TENM2: variants seen among roughly 807,000 people sequenced by gnomAD.
TENM2 encodes the protein teneurin transmembrane protein 2, also known as teneurin-2.
In TENM2, 52 loss-of-function variants were observed where a neutral mutation model predicts 245.2. The observed-to-expected ratio is 0.21, with a 90% confidence interval of 0.17 to 0.27. TENM2 has a LOEUF of 0.27. TENM2 is among the 10% of genes least tolerant of loss of function. TENM2 has a pLI of 1.00. For synonymous variants in TENM2, 1,363 were observed against 1,438.9 expected, an observed-to-expected ratio of 0.95 and a Z score of 1.19; for missense variants, 3,046 against 3,666.8, an observed-to-expected ratio of 0.83 and a Z score of 4.37.
chr5:167,371,336 T>G (rs1581866924), intron 1 of TENM2, among the ~76,000 whole-genome samples: 1 of 148,356 alleles, frequency 6.7e-6, no homozygotes, highest in Admixed American at 6.8e-5. Flanking sequence ...GGCTCCCTGT[T>G]TTTTTTTTTT....
At chr5:167,932,105 G>T (rs538669603) in intron 3 of TENM2, among the ~76,000 whole-genome samples, 1 of 152,332 alleles carries the variant, frequency 6.6e-6, no homozygotes, top group South Asian at 2.1e-4. Flanking sequence ...CTGACTGCAG[G>T]TGCAGGAGGG....
At chr5:167,324,430 T>C (rs944709693) in intron 1 of TENM2, among the ~76,000 whole-genome samples, 2 of 152,230 alleles carry the variant, frequency 1.3e-5, no homozygotes, top group Admixed American at 1.3e-4. Context: ...GATGGATAGG[T>C]AATTTTTTTT....
In TENM2 at chr5:168,254,243, T is replaced by A. The variant is rs772438709; in HGVS notation, c.7432+5872T>A. Among the ~76,000 whole-genome samples, 35 of 152,318 alleles carry A rather than the reference T, an allele frequency of 2.3e-4. 1 individual carries two copies. The highest frequency in any genetic ancestry group is 3.4e-3 in the Middle Eastern group (1 of 294). On this transcript the variant is annotated intron_variant, in intron 27 of 28. Transcript: ENST00000518659. ...ACAGTGCCAGCTCCTGCCCAAGCAA[T>A]TCCCTCTAGACAGACTGTTTAGGGA...
At chr5:167,491,776 A>C (rs955631913) in intron 2 of TENM2, among the ~76,000 whole-genome samples, 3 of 152,170 alleles carry the variant, frequency 2.0e-5, no homozygotes, top group Non-Finnish European at 4.4e-5. Context: ...TCACCTGTAC[A>C]TTCATCCCTT....
intron 5 of TENM2, among the ~76,000 whole-genome samples, chr5:168,030,183 T>C (rs1787007858): frequency 3.4e-5 from 4 of 119,314 alleles, no homozygotes; most frequent in East Asian, 2.3e-4. Flanking sequence ...TTTTTTTTTT[T>C]TTTTCATCTT....
chr5:167,767,199 C>T (rs1459328747), intron 2 of TENM2, among the ~76,000 whole-genome samples: 1 of 152,138 alleles, frequency 6.6e-6, no homozygotes, highest in Non-Finnish European at 1.5e-5. Flanking sequence ...ACACATACCA[C>T]AAAATATTAT....
chr5:167,583,197 T>C (rs1775217296), intron 2 of TENM2, among the ~76,000 whole-genome samples: 1 of 152,180 alleles, frequency 6.6e-6, no homozygotes, highest in African/African-American at 2.4e-5. Context: ...CGGGGATAAA[T>C]GATTATCTTT....
At chr5:167,917,150 C>A (rs1225643312) in intron 3 of TENM2, among the ~76,000 whole-genome samples, 1 of 152,148 alleles carries the variant, frequency 6.6e-6, no homozygotes, top group Non-Finnish European at 1.5e-5. Context: ...CTTCATTTTA[C>A]CCACTCCCTT....
chr5:167,123,559 C>T, the TENM2 span, among the ~76,000 whole-genome samples: 2 of 152,126 alleles, frequency 1.3e-5, no homozygotes, highest in Non-Finnish European at 2.9e-5. Flanking sequence ...ATAAATGAAC[C>T]TTCATAAACT....
chr5:167,228,534 T>G, the TENM2 span, among the ~76,000 whole-genome samples: 1 of 152,068 alleles, frequency 6.6e-6, no homozygotes. Flanking sequence ...CTCACTGAGC[T>G]TCTTCATCAA....
chr5:167,385,428 C>T (rs1267456414), intron 2 of TENM2, among the ~76,000 whole-genome samples: 1 of 149,510 alleles, frequency 6.7e-6, no homozygotes, highest in Admixed American at 6.7e-5. Flanking sequence ...TTTCTCATTA[C>T]ATTCATCTTT....
chr5:167,733,662 T>C (rs1760592689), intron 2 of TENM2, among the ~76,000 whole-genome samples: 1 of 152,236 alleles, frequency 6.6e-6, no homozygotes, highest in South Asian at 2.1e-4. Context: ...TATGTTTACA[T>C]ATGTAGCTGC....
chr5:167,024,370 G>T, the TENM2 span, among the ~76,000 whole-genome samples: 9 of 152,260 alleles, frequency 5.9e-5, no homozygotes, highest in Non-Finnish European at 1.3e-4. Context: ...CTAGACACTG[G>T]AGACAGAACA....
chr5:167,249,865 T>C, the TENM2 span, among the ~76,000 whole-genome samples: 1 of 152,154 alleles, frequency 6.6e-6, no homozygotes, highest in Non-Finnish European at 1.5e-5. Context: ...GTCCACTCCT[T>C]ATCCCCTGCC....
At chr5:167,801,108 AAATATATATATATATATAT>A (rs1445326105) in intron 2 of TENM2, among the ~76,000 whole-genome samples, 1 of 55,872 alleles carries the variant, frequency 1.8e-5, no homozygotes, top group East Asian at 6.2e-4. Context: ...AAAAAAAAAA[AAATATATATATATATATAT>A]ATATATATAT....
chr5:167,076,734 T>C, the TENM2 span, among the ~76,000 whole-genome samples: 2 of 152,208 alleles, frequency 1.3e-5, no homozygotes, highest in African/African-American at 2.4e-5. Flanking sequence ...ACCCCCCTGT[T>C]GAAAGTATTA....
At chr5:167,204,094 T>C in the TENM2 span, among the ~76,000 whole-genome samples, 1 of 152,196 alleles carries the variant, frequency 6.6e-6, no homozygotes, top group East Asian at 1.9e-4. Flanking sequence ...CCAGTGTCTT[T>C]GTTGTGGCCA....
At chr5:168,055,158 C>T (rs184466357) in intron 6 of TENM2, among the ~76,000 whole-genome samples, 34 of 152,236 alleles carry the variant, frequency 2.2e-4, no homozygotes, top group Admixed American at 2.2e-3. Flanking sequence ...AATTCAATCT[C>T]AAAGTGAATT....
intron 23 of TENM2, among the ~76,000 whole-genome samples, chr5:168,224,642 C>A (rs943582972): frequency 2.6e-5 from 4 of 152,156 alleles, no homozygotes; most frequent in African/African-American, 9.7e-5. Context: ...GAGGACCCCC[C>A]ATCCCCACGC....
Sources: gnomAD v4.1 joint callset for allele counts (sites outside exome capture counted in the v4.1 genomes callset) on GRCh38, gnomAD v4.1.1 for gene constraint, MANE v1.5 for transcripts, NCBI Gene and HGNC (gene_info 2026-07-23, HGNC 2026-07-21) for gene names.